Variants in RARB observed in about 807,000 individuals in gnomAD.
RARB encodes retinoic acid receptor beta, also known as HBV-activated protein.
In RARB, 17 loss-of-function variants were observed where a neutral mutation model predicts 51.9. The observed-to-expected ratio is 0.33, with a 90% CI of 0.22 to 0.49. The LOEUF (loss-of-function observed/expected upper bound fraction) is 0.49, where lower values mean the gene tolerates loss of function less well. Among genes scored for constraint, RARB ranks in the 20% least tolerant of loss-of-function variants. The probability of loss-of-function intolerance (pLI) is 0.99; values close to 1 mark genes in which losing one functional copy is unlikely to be tolerated. For synonymous variants in RARB, 215 were observed against 195.4 expected, an observed-to-expected ratio of 1.10 and a Z score of -0.84; for missense variants, 369 against 550.8, an observed-to-expected ratio of 0.67 and a Z score of 3.30.
At chr3:24,894,255 A>G (rs2125366458) in intron 2 of RARB, among the ~76,000 whole-genome samples, 1 of 151,612 alleles carries the variant, frequency 6.6e-6, no homozygotes, top group Middle Eastern at 3.4e-3. Flanking sequence ...ATCTTTCAGC[A>G]CACTGTGCCG....
Position 25,214,656 on chromosome 3 carries a change from G to A in RARB, c.178+40081G>A, listed in dbSNP as rs369198501. Among the ~76,000 whole-genome samples, 28 of 152,264 alleles carry A rather than the reference G, an allele frequency of 1.8e-4. No homozygotes were observed. In the East Asian group the frequency reaches 4.1e-3, roughly 22 times the overall value. On this transcript the variant is annotated intron_variant, in intron 5 of 11. Coordinates refer to the RARB transcript ENST00000383772. Reference sequence around the variant, plus strand: ...CTGAAGGGACTTCAGCACTTGGGTGGAGCTGGCTCAATTTACACAGTTCCC... The same window carrying A: ...CTGAAGGGACTTCAGCACTTGGGTGAAGCTGGCTCAATTTACACAGTTCCC...
chr3:25,380,908 G>C (rs911595441), intron 5 of RARB, among the ~76,000 whole-genome samples: 2 of 152,016 alleles, frequency 1.3e-5, no homozygotes, highest in South Asian at 4.1e-4. Flanking sequence ...TGCATGTTTA[G>C]TTTTTATATT....
intron 4 of RARB, among the ~76,000 whole-genome samples, chr3:25,143,037 G>A (rs746320103): frequency 1.3e-5 from 2 of 152,168 alleles, no homozygotes; most frequent in African/African-American, 2.4e-5. Flanking sequence ...GAAAAGTTGA[G>A]CCTTTAGCTG....
At chr3:25,180,440 A>G (rs1700839048) in intron 5 of RARB, among the ~76,000 whole-genome samples, 2 of 152,344 alleles carry the variant, frequency 1.3e-5, no homozygotes, top group African/African-American at 4.8e-5. Flanking sequence ...GAGACTTTCC[A>G]TATCTCATGT....
At chr3:25,258,677 G>T (rs897847360) in intron 5 of RARB, among the ~76,000 whole-genome samples, 3 of 152,052 alleles carry the variant, frequency 2.0e-5, no homozygotes, top group Non-Finnish European at 4.4e-5. Flanking sequence ...TTTAGTTCAT[G>T]GTTCTGGAGG....
intron 3 of RARB, among the ~76,000 whole-genome samples, chr3:25,099,711 A>G (rs1433549385): frequency 3.3e-5 from 5 of 151,444 alleles, no homozygotes; most frequent in Non-Finnish European, 7.4e-5. Flanking sequence ...ATGGAAGGTC[A>G]CTGGAGTCCT....
chr3:25,243,351 T>C (rs1702477916), intron 5 of RARB, among the ~76,000 whole-genome samples: 1 of 152,212 alleles, frequency 6.6e-6, no homozygotes, highest in Admixed American at 6.5e-5. Flanking sequence ...CTGTGTTGAA[T>C]AGGAGTGGTG....
In RARB at chr3:25,335,533, C is replaced by T. The variant is rs148686757; in HGVS notation, c.179-125660C>T. On this transcript the variant is annotated intron_variant, in intron 5 of 11. Transcript: ENST00000383772. ...TCAGGCCAGGTTTGGCACCTCATTA[C>T]CTTCTCTTGGCTTCCCCAGTTCCAT... Among the ~76,000 whole-genome samples, 421 of 152,286 alleles carry T rather than the reference C, an allele frequency of 2.8e-3. 4 individuals are homozygous for T. Among genetic ancestry groups the T allele is most frequent in the Middle Eastern group, 0.027 (8 of 292 alleles).
At chr3:25,474,719 G>C (rs889363142) in intron 2 of RARB, among the ~76,000 whole-genome samples, 3 of 152,166 alleles carry the variant, frequency 2.0e-5, no homozygotes, top group Non-Finnish European at 4.4e-5. Context: ...ATACCAAAAC[G>C]TAGAAAGAGG....
At chr3:24,902,738 A>G (rs1427351486) in intron 2 of RARB, among the ~76,000 whole-genome samples, 4 of 152,282 alleles carry the variant, frequency 2.6e-5, no homozygotes, top group Non-Finnish European at 5.9e-5. Flanking sequence ...GAAATGGAAA[A>G]AAAATGTTTC....
At position 25,028,759 on chromosome 3, in the gene RARB, C is replaced by A. The variant is rs117142516; in HGVS notation, c.-379-31366C>A. Among the ~76,000 whole-genome samples the A allele has an allele frequency of 2.3e-4, 35 of 152,224 alleles. No homozygotes were observed. In the East Asian group the frequency reaches 6.0e-3, roughly 26 times the overall value. ...CTGTGCTTAAGGGAACTTTCAAGGT[C>A]CTATAACTTTGAGGAAGTCTTGTAA... On this transcript the variant is annotated intron_variant, in intron 2 of 11. Transcript: ENST00000383772.
At chr3:25,322,223 G>T (rs1251982070) in intron 5 of RARB, among the ~76,000 whole-genome samples, 1 of 150,124 alleles carries the variant, frequency 6.7e-6, no homozygotes. Context: ...GGGGGGCGGG[G>T]GGGAAGCAAG....
chr3:25,085,271 G>A (rs1699084849), intron 3 of RARB, among the ~76,000 whole-genome samples: 1 of 152,128 alleles, frequency 6.6e-6, no homozygotes, highest in African/African-American at 2.4e-5. Flanking sequence ...GCCATAAAAT[G>A]GTAACACATC....
intron 1 of RARB, among the ~76,000 whole-genome samples, chr3:24,829,432 C>G (rs1005989182): frequency 3.3e-5 from 5 of 152,192 alleles, no homozygotes; most frequent in African/African-American, 1.2e-4. Flanking sequence ...GCTGGCGGGT[C>G]TTCCTGTTGG....
intron 5 of RARB, among the ~76,000 whole-genome samples, chr3:25,359,302 T>C (rs1163171019): frequency 2.0e-5 from 3 of 152,216 alleles, no homozygotes; most frequent in African/African-American, 7.2e-5. Context: ...TGGTAGTTTG[T>C]ATTTCTGTGG....
intron 2 of RARB, among the ~76,000 whole-genome samples, chr3:25,488,068 TTG>T (rs1575451403): frequency 3.3e-5 from 5 of 152,310 alleles, no homozygotes; most frequent in East Asian, 1.9e-4. Flanking sequence ...GTATGGGGAA[TTG>T]GCCCCACAAT....
chr3:25,311,833 C>A (rs879785389), intron 5 of RARB, among the ~76,000 whole-genome samples: 5 of 152,114 alleles, frequency 3.3e-5, no homozygotes, highest in Admixed American at 6.5e-5. Flanking sequence ...TCAAAAAACA[C>A]AAGGAATGAC....
intron 2 of RARB, among the ~76,000 whole-genome samples, chr3:24,992,086 G>A (rs1404749265): frequency 1.3e-5 from 2 of 152,126 alleles, no homozygotes; most frequent in African/African-American, 4.8e-5. Flanking sequence ...TGACACCCTG[G>A]TCTGGGTTAC....
At chr3:25,436,956 G>A (rs900976897) in intron 1 of RARB, among the ~76,000 whole-genome samples, 4 of 152,080 alleles carry the variant, frequency 2.6e-5, no homozygotes, top group African/African-American at 9.7e-5. Flanking sequence ...GCTATGAAAT[G>A]GGAATAATAG....
Sources: gnomAD v4.1 joint callset for allele counts (sites outside exome capture counted in the v4.1 genomes callset) on GRCh38, gnomAD v4.1.1 for gene constraint, MANE v1.5 for transcripts, NCBI Gene and HGNC (gene_info 2026-07-23, HGNC 2026-07-21) for gene names.